TENM2: variants seen among roughly 807,000 people sequenced by gnomAD.
TENM2 encodes the protein teneurin transmembrane protein 2, also known as teneurin-2.
A neutral mutation model predicts 245.2 loss-of-function variants in TENM2; 52 were observed. The ratio of observed to expected loss-of-function variants is 0.21; its 90% CI spans 0.17 to 0.27. TENM2 has a LOEUF of 0.27. TENM2 is among the 10% of genes least tolerant of loss of function. The pLI is 1.00. For synonymous variants in TENM2, 1,363 were observed against 1,438.9 expected, an observed-to-expected ratio of 0.95 and a Z score of 1.19; for missense variants, 3,046 against 3,666.8, an observed-to-expected ratio of 0.83 and a Z score of 4.37.
intron 2 of TENM2, among the ~76,000 whole-genome samples, chr5:167,628,259 G>A (rs279387): frequency 0.015 from 2,243 of 152,096 alleles, 63 homozygotes; most frequent in African/African-American, 0.051. Flanking sequence ...TGTTTTGCAC[G>A]TTCCTGTTAT....
intron 2 of TENM2, among the ~76,000 whole-genome samples, chr5:167,458,486 CAAAAAAACAAAAAAAAA>C (rs1294999400): frequency 2.2e-4 from 8 of 35,792 alleles, no homozygotes; most frequent in East Asian, 6.6e-4. Context: ...GACTCCGTCT[CAAAAAAACAAAAAAAAA>C]AAAAAAAAAA....
rs537194312 is a variant in TENM2, at chr5:167,806,933, G to A, written c.503-69053G>A. Among the ~76,000 whole-genome samples, 27 of 151,726 alleles carry A rather than the reference G, an allele frequency of 1.8e-4. No individual in the cohort carries two copies. In the South Asian group the frequency reaches 5.0e-3, roughly 28 times the overall value. ...CAGTACACACAGAGCACTGCCAACCGTGGTATCTTTCCTGAGTCTTCAAGT... is the reference window on the plus strand; with the variant it reads ...CAGTACACACAGAGCACTGCCAACCATGGTATCTTTCCTGAGTCTTCAAGT... On this transcript the variant is annotated intron_variant, in intron 2 of 28. Transcript: ENST00000518659.
At chr5:167,480,973 C>T (rs944765359) in intron 2 of TENM2, among the ~76,000 whole-genome samples, 1 of 152,180 alleles carries the variant, frequency 6.6e-6, no homozygotes, top group Non-Finnish European at 1.5e-5. Flanking sequence ...ATTCATAGGT[C>T]TGAAAGATAC....
At position 167,415,924 on chromosome 5, in the gene TENM2, C is replaced by T. The variant is rs116429053; in HGVS notation, c.502+40451C>T. On this transcript the variant is annotated intron_variant, in intron 2 of 28. Coordinates refer to ENST00000518659, the Ensembl canonical transcript of TENM2. Reference sequence around the variant, plus strand: ...GCTGGATCAGTACAGTGAGAAGAGACGCAGTAATGATATTATAGAATTAGT... The same window carrying T: ...GCTGGATCAGTACAGTGAGAAGAGATGCAGTAATGATATTATAGAATTAGT... 7.6e-3 allele frequency among the ~76,000 whole-genome samples: 1,159 copies of T among 152,176 alleles called. 22 individuals are homozygous for T. Among genetic ancestry groups the T allele is most frequent in the African/African-American group, 0.026 (1,065 of 41,508 alleles).
chr5:167,109,404 T>C, the TENM2 span, among the ~76,000 whole-genome samples: 1 of 152,058 alleles, frequency 6.6e-6, no homozygotes, highest in East Asian at 1.9e-4. Context: ...TAGCCATATA[T>C]GGATCAATTT....
At chr5:167,113,380 C>A in the TENM2 span, among the ~76,000 whole-genome samples, 2 of 152,042 alleles carry the variant, frequency 1.3e-5, no homozygotes, top group African/African-American at 4.8e-5. Context: ...GGTGTTCACA[C>A]CTGTAATAGC....
At chr5:167,476,217 G>T (rs1312020576) in intron 2 of TENM2, among the ~76,000 whole-genome samples, 1 of 152,112 alleles carries the variant, frequency 6.6e-6, no homozygotes, top group African/African-American at 2.4e-5. Flanking sequence ...TCCATTAGTG[G>T]TAGTTTCTTA....
chr5:168,027,288 G>C (rs888969849), intron 5 of TENM2, among the ~76,000 whole-genome samples: 1 of 152,166 alleles, frequency 6.6e-6, no homozygotes, highest in Non-Finnish European at 1.5e-5. Context: ...TCTGTTCTAA[G>C]TGCACAGGGC....
intron 2 of TENM2, among the ~76,000 whole-genome samples, chr5:167,473,426 C>A (rs1767164138): frequency 6.6e-6 from 1 of 152,146 alleles, no homozygotes; most frequent in South Asian, 2.1e-4. Context: ...TAAACTTGAG[C>A]TAAATAGCAC....
chr5:167,433,546 G>A (rs1025881600), intron 2 of TENM2, among the ~76,000 whole-genome samples: 27 of 152,154 alleles, frequency 1.8e-4, no homozygotes, highest in African/African-American at 6.5e-4. Context: ...TGTTAGCTAA[G>A]TTAAAGCAAT....
the TENM2 span, among the ~76,000 whole-genome samples, chr5:167,237,986 GGCGAC>G: frequency 1.4e-5 from 2 of 142,928 alleles, no homozygotes; most frequent in African/African-American, 5.4e-5. Flanking sequence ...TTCCAGCCTG[GGCGAC>G]AGAGTGAGAC....
At chr5:167,961,116 G>C (rs560473138) in intron 4 of TENM2, among the ~76,000 whole-genome samples, 1 of 149,272 alleles carries the variant, frequency 6.7e-6, no homozygotes, top group Admixed American at 6.6e-5. Context: ...ATCTCACTGG[G>C]AGCTGCAGAC....
chr5:167,211,194 G>A, the TENM2 span, among the ~76,000 whole-genome samples: 2 of 152,014 alleles, frequency 1.3e-5, no homozygotes, highest in Non-Finnish European at 2.9e-5. Flanking sequence ...AATTTCTTAG[G>A]CCTTTCTACA....
chr5:167,966,339 G>A (rs1379520113), intron 4 of TENM2, among the ~76,000 whole-genome samples: 1 of 152,188 alleles, frequency 6.6e-6, no homozygotes, highest in East Asian at 1.9e-4. Context: ...CTGGGAGAAA[G>A]CGCAACAGCC....
At chr5:167,756,953 C>T (rs1209169492) in intron 2 of TENM2, among the ~76,000 whole-genome samples, 1 of 152,018 alleles carries the variant, frequency 6.6e-6, no homozygotes, top group Non-Finnish European at 1.5e-5. Context: ...GACATAGACC[C>T]CCATGAAATC....
intron 2 of TENM2, among the ~76,000 whole-genome samples, chr5:167,437,964 G>A (rs1561955323): frequency 6.6e-6 from 1 of 152,140 alleles, no homozygotes; most frequent in Non-Finnish European, 1.5e-5. Context: ...CAGATACATT[G>A]AAGTTCTCAG....
At position 167,971,750 on chromosome 5, in the gene TENM2, A is replaced by C. The variant is rs983100679; in HGVS notation, c.947+18928A>C. 2.0e-5 allele frequency among the ~76,000 whole-genome samples: 3 copies of C among 152,060 alleles called. No individual in the cohort carries two copies. The East Asian group carries it at 5.8e-4, about 29-fold the overall frequency. On this transcript the variant is annotated intron_variant, in intron 4 of 28. Coordinates refer to ENST00000518659, the Ensembl canonical transcript of TENM2. ...ACAAAACAAAACAAAAACAAAAAAA[A>C]CCCTGAGCCCTGATCATTTAAGTGA...
chr5:167,188,641 A>G, the TENM2 span, among the ~76,000 whole-genome samples: 1 of 152,192 alleles, frequency 6.6e-6, no homozygotes, highest in African/African-American at 2.4e-5. Context: ...AATTTTTGAT[A>G]AATACTGTGA....
intron 2 of TENM2, among the ~76,000 whole-genome samples, chr5:167,628,513 C>T (rs1363815883): frequency 6.6e-6 from 1 of 152,068 alleles, no homozygotes; most frequent in Non-Finnish European, 1.5e-5. Flanking sequence ...AGTGTTCTAC[C>T]TCCTAAAACT....
Sources: gnomAD v4.1 joint callset for allele counts (sites outside exome capture counted in the v4.1 genomes callset) on GRCh38, gnomAD v4.1.1 for gene constraint, MANE v1.5 for transcripts, NCBI Gene and HGNC (gene_info 2026-07-23, HGNC 2026-07-21) for gene names.